Variants in ZBTB46 observed in about 807,000 individuals in gnomAD.
ZBTB46 encodes the protein zinc finger and BTB domain containing 46, also known as zinc finger and BTB domain-containing protein 46.
Under a neutral mutation model 44.1 loss-of-function variants are expected in ZBTB46, and 8 were observed. That is an observed-to-expected ratio of 0.18 (90% confidence interval 0.11 to 0.33). The LOEUF is 0.33. Among genes scored for constraint, ZBTB46 ranks in the 10% least tolerant of loss-of-function variants. ZBTB46 has a pLI of 1.00. For missense variants in ZBTB46, 651 were observed against 847.7 expected (o/e 0.77, Z 2.88); for synonymous variants, 409 against 382.3 (o/e 1.07, Z -0.81).
At chr20:63,748,299 C>A (rs574407056) in intron 4 of ZBTB46, among the ~76,000 whole-genome samples, 1 of 152,192 alleles carries the variant, frequency 6.6e-6, no homozygotes, top group African/African-American at 2.4e-5. Context: ...TGGCAGGACG[C>A]GAGGTGCTGG....
In ZBTB46 at chr20:63,781,056, G is replaced by A. The variant is rs1389737528; in HGVS notation, c.938-5094C>T. Among the ~76,000 whole-genome samples, 4 of 149,286 alleles carry A rather than the reference G, an allele frequency of 2.7e-5. 1 individual carries two copies. The South Asian group carries it at 8.5e-4, about 32-fold the overall frequency. On this transcript the variant is annotated intron_variant, in intron 2 of 4. Coordinates refer to ENST00000245663, the MANE Select transcript of ZBTB46 (RefSeq NM_001369741.1). ...TTCAGGAGGCTGAGGCAAGAGAATGGCGTGAACCCAGGAGGCAGAGTTTGC... is the reference window on the plus strand; with the variant it reads ...TTCAGGAGGCTGAGGCAAGAGAATGACGTGAACCCAGGAGGCAGAGTTTGC...
Position 63,746,727 on chromosome 20 carries a change from T to C in ZBTB46, c.*203A>G, listed in dbSNP as rs1279607375. ...CTGTGCCCTCCCCCAACTCACTTCA[T>C]GTCTGGTCCCAGAGCACCCCTCTTG... On this transcript the variant is annotated 3_prime_UTR_variant, in exon 5 of 5. Coordinates refer to ENST00000245663, the MANE Select transcript of ZBTB46 (RefSeq NM_001369741.1). 5 of 765,732 alleles carry C rather than the reference T, an allele frequency of 6.5e-6. No individual in the cohort carries two copies. The highest frequency in any genetic ancestry group is 3.9e-4 in the Middle Eastern group (1 of 2,556). The allele number at this position is 765,732 out of a possible 1,614,324, so 47.4% of individuals were successfully genotyped here. A position where few individuals can be genotyped will look rare whatever the true frequency, so the allele number is the denominator to read the frequency against.
intron 3 of ZBTB46, among the ~76,000 whole-genome samples, chr20:63,754,881 G>A (rs2092205953): frequency 6.6e-6 from 1 of 152,070 alleles, no homozygotes; most frequent in African/African-American, 2.4e-5. Flanking sequence ...TTACAGGCGT[G>A]AGCCACCGCG....
chr20:63,767,230 A>C lies in ZBTB46; in HGVS notation c.1222+8448T>G, dbSNP rs904674734. ...CCTAGAAAGTTGCTGGGTCGGAGCCACGTGGCTCCACTTCCCACGGATGGG... is the reference window on the plus strand; with the variant it reads ...CCTAGAAAGTTGCTGGGTCGGAGCCCCGTGGCTCCACTTCCCACGGATGGG... On this transcript the variant is annotated intron_variant, in intron 3 of 4. Transcript: ENST00000245663. This position sits in a 1 kb window ranked among gnomAD's most constrained non-coding sequence, Gnocchi z 5.0. 6.6e-6 allele frequency among the ~76,000 whole-genome samples: 1 copy of C among 151,980 alleles called. No homozygotes were observed. Among genetic ancestry groups the C allele is most frequent in the Non-Finnish European group, 1.5e-5 (1 of 67,964 alleles).
At chr20:63,773,354 G>A (rs1334299095) in intron 3 of ZBTB46, among the ~76,000 whole-genome samples, 1 of 151,568 alleles carries the variant, frequency 6.6e-6, no homozygotes, top group Non-Finnish European at 1.5e-5. Flanking sequence ...TCAGCCGCCT[G>A]AGTAGCTGGG....
intron 2 of ZBTB46, 107 bp downstream of exon 2, chr20:63,789,714 G>A (rs1210434047): frequency 6.7e-7 from 1 of 1,492,768 alleles, no homozygotes; most frequent in Non-Finnish European, 8.9e-7. Context: ...ACCCTAGAAA[G>A]CCACCAGTGT....
chr20:63,760,684 C>T (rs1371275368), intron 3 of ZBTB46, among the ~76,000 whole-genome samples: 1 of 152,122 alleles, frequency 6.6e-6, no homozygotes, highest in Non-Finnish European at 1.5e-5. Context: ...TCTCGGATCT[C>T]CTGACCTCGT....
intron 1 of ZBTB46, among the ~76,000 whole-genome samples, chr20:63,800,583 C>T (rs943793214): frequency 1.3e-5 from 2 of 152,224 alleles, no homozygotes; most frequent in African/African-American, 2.4e-5. Context: ...GGGCGGGAAC[C>T]GGGGCTGCGT....
At chr20:63,776,417 T>C (rs1327394731) in intron 2 of ZBTB46, among the ~76,000 whole-genome samples, 1 of 152,218 alleles carries the variant, frequency 6.6e-6, no homozygotes, top group Non-Finnish European at 1.5e-5. Context: ...TGATCTCAGA[T>C]TTGGCAATAG....
At chr20:63,789,601 G>A (rs963736714) in intron 2 of ZBTB46, among the ~76,000 whole-genome samples, 2 of 152,248 alleles carry the variant, frequency 1.3e-5, no homozygotes, top group Non-Finnish European at 2.9e-5. Flanking sequence ...GTGCTGATGG[G>A]GACAGATACA....
intron 4 of ZBTB46, among the ~76,000 whole-genome samples, chr20:63,749,587 T>C (rs560561318): frequency 6.4e-4 from 98 of 152,322 alleles, no homozygotes; most frequent in Non-Finnish European, 8.8e-4. Context: ...CTGCCCGCCT[T>C]GGCCTCCCAA....
At chr20:63,778,600 G>C (rs1380968865) in intron 2 of ZBTB46, among the ~76,000 whole-genome samples, 4 of 152,318 alleles carry the variant, frequency 2.6e-5, no homozygotes. Context: ...GCAGCACACG[G>C]GGTGAGTCCA....
intron 3 of ZBTB46, among the ~76,000 whole-genome samples, chr20:63,758,888 C>G (rs910202464): frequency 7.0e-6 from 1 of 141,898 alleles, no homozygotes; most frequent in African/African-American, 2.7e-5. Context: ...CCCGCCACCA[C>G]GCCCGGCTAA....
intron 1 of ZBTB46, among the ~76,000 whole-genome samples, chr20:63,830,416 C>T (rs2092842718): frequency 6.6e-6 from 1 of 150,384 alleles, no homozygotes; most frequent in Non-Finnish European, 1.5e-5. Flanking sequence ...GCCCCGAGCC[C>T]TCCGCGCCCC....
Position 63,790,766 on chromosome 20 carries a change from C to A in ZBTB46, c.-9G>T. The A allele has an allele frequency of 1.9e-6, 3 of 1,588,852 alleles. No homozygotes were observed. Among genetic ancestry groups the A allele is most frequent in the Non-Finnish European group, 1.7e-6 (2 of 1,169,554 alleles). On this transcript the variant is annotated 5_prime_UTR_variant, in exon 2 of 5. Coordinates refer to ENST00000245663, the MANE Select transcript of ZBTB46 (RefSeq NM_001369741.1). ...TCCTTTCGGTTGTTCATTTGGAAGC[C>A]CTGGTGTCGCCTCTTCTACAGACTC...
chr20:63,782,086 C>CAAAAAAA lies in ZBTB46; in HGVS notation c.938-6131_938-6125dup, dbSNP rs66508825. Among the ~76,000 whole-genome samples, 14 of 46,886 alleles carry CAAAAAAA rather than the reference C, an allele frequency of 3.0e-4. 1 individual carries two copies. The highest frequency in any genetic ancestry group is 7.7e-4 in the South Asian group (1 of 1,306). The allele number at this position is 46,886 out of a possible 152,430, so 30.8% of individuals were successfully genotyped here. A position where few individuals can be genotyped will look rare whatever the true frequency, so the allele number is the denominator to read the frequency against. ...TGGGTGAAAGAGCAAGACTCCGTCT[C>CAAAAAAA]AAAAAAAAAAAAAAGAAAAGAGGCG... On this transcript the variant is annotated intron_variant, in intron 2 of 4. Coordinates refer to ENST00000245663, the MANE Select transcript of ZBTB46 (RefSeq NM_001369741.1).
intron 1 of ZBTB46, among the ~76,000 whole-genome samples, chr20:63,823,230 G>A (rs1399914954): frequency 5.3e-5 from 8 of 151,694 alleles, no homozygotes; most frequent in Admixed American, 1.3e-4. Flanking sequence ...GTGGCTCACT[G>A]TCATCCCGGT....
At chr20:63,747,641 C>A (rs1346249394) in intron 4 of ZBTB46, among the ~76,000 whole-genome samples, 1 of 151,826 alleles carries the variant, frequency 6.6e-6, no homozygotes, top group Non-Finnish European at 1.5e-5. Context: ...GGGGGAGGTG[C>A]GCAGACAGGA....
rs187373523 is a variant in ZBTB46, at chr20:63,780,630, G to A, written c.938-4668C>T. On this transcript the variant is annotated intron_variant, in intron 2 of 4. Transcript: ENST00000245663. ...ATCCTGGCTAACATGGTGAAACCCC[G>A]TCTCTACTAAAAATACAAAAAATGA... Among the ~76,000 whole-genome samples the A allele has an allele frequency of 7.2e-3, 1,081 of 149,700 alleles. 15 individuals are homozygous for A. Among genetic ancestry groups the A allele is most frequent in the African/African-American group, 0.026 (1,038 of 40,610 alleles).
Sources: gnomAD v4.1 joint callset for allele counts (sites outside exome capture counted in the v4.1 genomes callset) on GRCh38, gnomAD v4.1.1 for gene constraint, Gnocchi (gnomAD v3.1) non-coding constraint, MANE v1.5 for transcripts, NCBI Gene and HGNC (gene_info 2026-07-23, HGNC 2026-07-21) for gene names.